Variants in TSC22D4 observed in about 807,000 individuals in gnomAD.
TSC22D4 encodes TSC22 domain family member 4.
A neutral mutation model predicts 24.9 loss-of-function variants in TSC22D4; 5 were observed. The observed-to-expected ratio is 0.20, with a 90% CI of 0.10 to 0.42. The LOEUF (loss-of-function observed/expected upper bound fraction) is 0.42, where lower values mean the gene tolerates loss of function less well. TSC22D4 is among the 10% of genes least tolerant of loss of function. The pLI is 1.00. For synonymous variants in TSC22D4, 245 were observed against 243.2 expected, an observed-to-expected ratio of 1.01 and a Z score of -0.07; for missense variants, 469 against 547.9, an observed-to-expected ratio of 0.86 and a Z score of 1.44.
Position 100,467,175 on chromosome 7 carries a change from G to T in TSC22D4, c.979-7C>A. On this transcript the variant is annotated splice_polypyrimidine_tract_variant and splice_region_variant and intron_variant, in intron 4 of 4. Transcript: ENST00000300181. ...GGTGGGACTTCACCAAGTCCTGGGG[G>T]CCCCGGGACAGGCACAGCGTCAACG... is the stretch of plus-strand genomic sequence containing the variant. 6.2e-7 allele frequency: 1 copy of T among 1,613,996 alleles called. No homozygotes were observed. The highest frequency in any genetic ancestry group is 8.5e-7 in the Non-Finnish European group (1 of 1,179,980).
chr7:100,476,325 G>A (rs1012209699), intron 2 of TSC22D4, among the ~76,000 whole-genome samples: 3 of 152,150 alleles, frequency 2.0e-5, no homozygotes, highest in African/African-American at 7.2e-5. Flanking sequence ...GTCCTGACAG[G>A]ACCCAGACAT....
chr7:100,467,178 C>T lies in TSC22D4; in HGVS notation c.979-10G>A, dbSNP rs1799296260. On this transcript the variant is annotated splice_polypyrimidine_tract_variant and intron_variant, in intron 4 of 4. Coordinates refer to ENST00000300181, the MANE Select transcript of TSC22D4 (RefSeq NM_030935.5). ...GGGACTTCACCAAGTCCTGGGGGCCCCGGGACAGGCACAGCGTCAACGGGG... is the reference window on the plus strand; with the variant it reads ...GGGACTTCACCAAGTCCTGGGGGCCTCGGGACAGGCACAGCGTCAACGGGG... The T allele has an allele frequency of 1.2e-6, 2 of 1,613,868 alleles. No homozygotes were observed. The highest frequency in any genetic ancestry group is 1.3e-5 in the African/African-American group (1 of 74,938).
Position 100,477,731 on chromosome 7 carries a change from T to A in TSC22D4, c.308A>T (p.His103Leu), listed in dbSNP as rs1315680600. 1 of 1,602,292 alleles carries A rather than the reference T, an allele frequency of 6.2e-7. No homozygotes were observed. The highest frequency in any genetic ancestry group is 1.1e-5 in the South Asian group (1 of 90,920). Reference sequence around the variant, plus strand: ...TCCCTCCAGGAGTCCGCCGAAGCTGTGGGGCTCCAGGTCTCGCTCATAAAC... The same window carrying A: ...TCCCTCCAGGAGTCCGCCGAAGCTGAGGGGCTCCAGGTCTCGCTCATAAAC... Reference protein sequence around the residue: ...VDVYERDLEPHSFGGLLEGIR... With the variant: ...VDVYERDLEPLSFGGLLEGIR... The change falls in exon 2 of 5, where the codon CAC becomes CTC. Residue 103 changes from histidine to leucine, a missense_variant. His to Leu is a moderately conservative substitution (Grantham distance 99). Transcript: ENST00000300181. This position sits in a 1 kb window ranked among gnomAD's most constrained non-coding sequence, Gnocchi z 7.8.
In TSC22D4 at chr7:100,474,183, G is replaced by T; in HGVS notation, c.929+91C>A. On this transcript the variant is annotated intron_variant, in intron 3 of 4. Transcript: ENST00000300181. This position sits in a 1 kb window ranked among gnomAD's most constrained non-coding sequence, Gnocchi z 4.3. ...CCTCTCCAAGTTCAACCTGGGGGAA[G>T]GATGCCTACCAGGCACTTTCTTACA... 1 of 1,527,342 alleles carries T rather than the reference G, an allele frequency of 6.5e-7. No individual in the cohort carries two copies. The highest frequency in any genetic ancestry group is 8.9e-7 in the Non-Finnish European group (1 of 1,121,398). The allele number at this position is 1,527,342 out of a possible 1,614,324, so 94.6% of individuals were successfully genotyped here.
chr7:100,474,283 T>A lies in TSC22D4; in HGVS notation c.920A>T (p.Asp307Val). The change falls in exon 3 of 5, where the codon GAC becomes GTC. Residue 307 changes from aspartate (D) to valine (V), a missense_variant. Physicochemically the swap from Asp to Val is radical, Grantham distance 152. Coordinates refer to ENST00000300181, the MANE Select transcript of TSC22D4 (RefSeq NM_030935.5). The surrounding 1 kb of genome is among the most constrained non-coding windows in gnomAD (Gnocchi z 4.3). ...MLAISGHLDS[D>V]DDSGSGSLVG... ...CACGAAGCCCACCTACCTATCATCG[T>A]CGCTGTCTAGGTGACCACTGATGGC... is the stretch of plus-strand genomic sequence containing the variant. 3 of 1,613,906 alleles carry A rather than the reference T, an allele frequency of 1.9e-6. No homozygotes were observed. The highest frequency in any genetic ancestry group is 2.5e-6 in the Non-Finnish European group (3 of 1,179,898).
intron 3 of TSC22D4, among the ~76,000 whole-genome samples, chr7:100,471,520 A>C (rs957570257): frequency 6.6e-6 from 1 of 152,114 alleles, no homozygotes; most frequent in Non-Finnish European, 1.5e-5. Flanking sequence ...TGGGTGGATC[A>C]CCTGAGGTCA....
chr7:100,475,739 C>T (rs764804798), intron 2 of TSC22D4, among the ~76,000 whole-genome samples: 2 of 150,256 alleles, frequency 1.3e-5, no homozygotes, highest in South Asian at 4.2e-4. Flanking sequence ...CATAGCCCAA[C>T]AGGCTCTGGG....
Position 100,474,371 on chromosome 7 carries a change from T to G in TSC22D4, c.832A>C (p.Lys278Gln), listed in dbSNP as rs753187080. 2.2e-5 allele frequency: 36 copies of G among 1,613,910 alleles called. No homozygotes were observed. Among genetic ancestry groups the G allele is most frequent in the Non-Finnish European group, 3.1e-5 (36 of 1,180,018 alleles). The change falls in exon 3 of 5, where the codon AAA (lysine) becomes CAA (glutamine). Residue 278 changes from lysine (K) to glutamine (Q), a missense_variant. By Grantham distance (53) the Lys-to-Gln change is moderately conservative. Coordinates refer to ENST00000300181, the MANE Select transcript of TSC22D4 (RefSeq NM_030935.5). The surrounding 1 kb of genome is among the most constrained non-coding windows in gnomAD (Gnocchi z 4.3). ...ACTGCTCCGAAGGGGTCTGGAGATT[T>G]GTGAACCAGGCTGGCATCGTGGGTG... The part of the protein sequence containing the change: ...YFTHDASLVH[K>Q]SPDPFGAVAA...
chr7:100,474,422 G>T lies in TSC22D4; in HGVS notation c.781C>A (p.Arg261Ser), dbSNP rs1046546216. The T allele has an allele frequency of 6.2e-7, 1 of 1,614,020 alleles. No homozygotes were observed. The highest frequency in any genetic ancestry group is 8.5e-7 in the Non-Finnish European group (1 of 1,179,986). The change falls in exon 3 of 5, where the codon CGC becomes AGC. Residue 261 changes from arginine (R) to serine (S), a missense_variant. Coordinates refer to ENST00000300181, the MANE Select transcript of TSC22D4 (RefSeq NM_030935.5). This position sits in a 1 kb window ranked among gnomAD's most constrained non-coding sequence, Gnocchi z 4.3. ...EMGQVPPLDS[R>S]PSSPALYFTH... ...AAGTAGAGGGCTGGGGAGCTGGGGC[G>T]AGAGTCAAGTGGGGGCACCTGGAGG...
At chr7:100,475,674 TG>T (rs887074587) in intron 2 of TSC22D4, among the ~76,000 whole-genome samples, 8 of 113,824 alleles carry the variant, frequency 7.0e-5, no homozygotes, top group South Asian at 3.1e-4. Flanking sequence ...GCCCTAGGGT[TG>T]GGGGGGGAGC....
chr7:100,472,246 A>C (rs558229299), intron 3 of TSC22D4, among the ~76,000 whole-genome samples: 33 of 152,088 alleles, frequency 2.2e-4, no homozygotes, highest in African/African-American at 7.9e-4. Flanking sequence ...TGGGGCCTAC[A>C]TGTCCCATTC....
rs753769158 is a variant in TSC22D4, at chr7:100,467,194, G to A, written c.979-26C>T. On this transcript the variant is annotated intron_variant, in intron 4 of 4. Coordinates refer to ENST00000300181, the MANE Select transcript of TSC22D4 (RefSeq NM_030935.5). ...CTGGGGGCCCCGGGACAGGCACAGC[G>A]TCAACGGGGTGGGTGCCTCATCCCC... 30 of 1,610,862 alleles carry A rather than the reference G, an allele frequency of 1.9e-5. No homozygotes were observed. In the South Asian group the frequency reaches 2.2e-4, roughly 12 times the overall value.
At position 100,477,196 on chromosome 7, in the gene TSC22D4, AGG is replaced by A; in HGVS notation, c.762+79_762+80del. ...TAAAGTGATGGAGAAGGAGGAGGAG[AGG>A]GGGGGGAGGAGGAGGAAGGAGGCTC... On this transcript the variant is annotated intron_variant, in intron 2 of 4. Coordinates refer to ENST00000300181, the MANE Select transcript of TSC22D4 (RefSeq NM_030935.5). The surrounding 1 kb of genome is among the most constrained non-coding windows in gnomAD (Gnocchi z 7.8). The A allele has an allele frequency of 3.9e-6, 3 of 776,018 alleles. No individual in the cohort carries two copies. The highest frequency in any genetic ancestry group is 8.1e-4 in the Middle Eastern group (2 of 2,480). The allele number at this position is 776,018 out of a possible 1,614,324, so 48.1% of individuals were successfully genotyped here. A position where few individuals can be genotyped will look rare whatever the true frequency, so the allele number is the denominator to read the frequency against.
At chr7:100,478,374 T>TGTGTGTGG in intron 1 of TSC22D4, 67 bp from the exon 2 acceptor site, 1 of 254,552 alleles carries the variant, frequency 3.9e-6, no homozygotes, top group Non-Finnish European at 7.6e-6. Flanking sequence ...TGTGTGTGTG[T>TGTGTGTGG]GTGTGTGTGT....
Position 100,477,223 on chromosome 7 carries a change from C to A in TSC22D4, c.762+54G>T. 1 of 1,321,024 alleles carries A rather than the reference C, an allele frequency of 7.6e-7. No homozygotes were observed. Among genetic ancestry groups the A allele is most frequent in the Non-Finnish European group, 9.9e-7 (1 of 1,011,800 alleles). 81.8% of individuals were successfully genotyped at this position (1,321,024 alleles called of 1,614,324 possible). A position where few individuals can be genotyped will look rare whatever the true frequency, so the allele number is the denominator to read the frequency against. On this transcript the variant is annotated intron_variant, in intron 2 of 4. Coordinates refer to ENST00000300181, the MANE Select transcript of TSC22D4 (RefSeq NM_030935.5). The surrounding 1 kb of genome is among the most constrained non-coding windows in gnomAD (Gnocchi z 7.8). ...GGGGGGGAGGAGGAGGAAGGAGGCT[C>A]AAGATAGAGGTTAGGCCAGGGCTGA... is the stretch of plus-strand genomic sequence containing the variant.
chr7:100,477,199 G>C lies in TSC22D4; in HGVS notation c.762+78C>G, dbSNP rs182567995. 747 of 1,176,400 alleles carry C rather than the reference G, an allele frequency of 6.3e-4. 25 individuals carry two copies. In the East Asian group the frequency reaches 8.5e-3, roughly 13 times the overall value. The allele number at this position is 1,176,400 out of a possible 1,614,324, so 72.9% of individuals were successfully genotyped here. On this transcript the variant is annotated intron_variant, in intron 2 of 4. Coordinates refer to ENST00000300181, the MANE Select transcript of TSC22D4 (RefSeq NM_030935.5). The surrounding 1 kb of genome is among the most constrained non-coding windows in gnomAD (Gnocchi z 7.8). ...AGTGATGGAGAAGGAGGAGGAGAGG[G>C]GGGGGAGGAGGAGGAAGGAGGCTCA...
In TSC22D4 at chr7:100,477,171, T is replaced by C; in HGVS notation, c.762+106A>G. 2.0e-6 allele frequency: 2 copies of C among 1,017,486 alleles called. No homozygotes were observed. Among genetic ancestry groups the C allele is most frequent in the Non-Finnish European group, 1.4e-6 (1 of 739,192 alleles). 63.0% of individuals were successfully genotyped at this position (1,017,486 alleles called of 1,614,324 possible). A position where few individuals can be genotyped will look rare whatever the true frequency, so the allele number is the denominator to read the frequency against. ...CAGAGAAGAGGGCTATCTGATCTTA[T>C]AAAGTGATGGAGAAGGAGGAGGAGA... On this transcript the variant is annotated intron_variant, in intron 2 of 4. Coordinates refer to ENST00000300181, the MANE Select transcript of TSC22D4 (RefSeq NM_030935.5). This position sits in a 1 kb window ranked among gnomAD's most constrained non-coding sequence, Gnocchi z 7.8.
chr7:100,478,610 T>TTGTC (rs1220506748), intron 1 of TSC22D4, among the ~76,000 whole-genome samples, 184 bp downstream of exon 1: 1 of 152,060 alleles, frequency 6.6e-6, no homozygotes, highest in Non-Finnish European at 1.5e-5. Flanking sequence ...GGGGCCCGTA[T>TTGTC]TGTCCCAAGA....
intron 3 of TSC22D4, among the ~76,000 whole-genome samples, chr7:100,468,468 C>T (rs930450939): frequency 4.6e-5 from 7 of 152,118 alleles, no homozygotes; most frequent in Non-Finnish European, 8.8e-5. Flanking sequence ...GGCGTTCTGA[C>T]GTGCTCGTGG....
Sources: gnomAD v4.1 joint callset for allele counts (sites outside exome capture counted in the v4.1 genomes callset) on GRCh38, gnomAD v4.1.1 for gene constraint, Gnocchi (gnomAD v3.1) non-coding constraint, MANE v1.5 for transcripts, NCBI Gene and HGNC (gene_info 2026-07-23, HGNC 2026-07-21) for gene names.